Variants in CDH13 observed in about 807,000 individuals in gnomAD.
The protein encoded by CDH13 is cadherin-13.
In CDH13, 24 loss-of-function variants were observed where a neutral mutation model predicts 63.8. The ratio of observed to expected loss-of-function variants is 0.38; its 90% confidence interval spans 0.27 to 0.53. The LOEUF (loss-of-function observed/expected upper bound fraction) is 0.53. Among genes scored for constraint, CDH13 ranks in the 20% least tolerant of loss-of-function variants. CDH13 has a pLI of 0.85. For missense variants in CDH13, 1,049 were observed against 903.1 expected (o/e 1.16, Z -2.07); for synonymous variants, 503 against 355.3 (o/e 1.42, Z -4.67).
chr16:83,711,167 G>T (rs1907986077), intron 10 of CDH13, among the ~76,000 whole-genome samples: 1 of 152,222 alleles, frequency 6.6e-6, no homozygotes, highest in Non-Finnish European at 1.5e-5. Context: ...TGTGACTTCA[G>T]ATGCAGGGAG....
intron 2 of CDH13, among the ~76,000 whole-genome samples, chr16:82,886,594 A>G (rs1210764228): frequency 2.7e-5 from 4 of 149,222 alleles, no homozygotes; most frequent in East Asian, 2.0e-4. Flanking sequence ...CTTGTTCTTA[A>G]TGATTCTGCC....
At chr16:83,446,646 G>A (rs1156551773) in intron 6 of CDH13, among the ~76,000 whole-genome samples, 1 of 152,062 alleles carries the variant, frequency 6.6e-6, no homozygotes, top group Non-Finnish European at 1.5e-5. Context: ...TCTTTCTGGT[G>A]GTAATCAAAG....
chr16:82,786,204 G>C (rs1442121768), intron 1 of CDH13, among the ~76,000 whole-genome samples: 1 of 152,076 alleles, frequency 6.6e-6, no homozygotes, highest in Non-Finnish European at 1.5e-5. Flanking sequence ...AGAAGTAGAA[G>C]GCAAAGAATT....
chr16:83,188,500 T>A (rs969158872), intron 4 of CDH13, among the ~76,000 whole-genome samples: 3 of 152,174 alleles, frequency 2.0e-5, no homozygotes, highest in Admixed American at 2.0e-4. Flanking sequence ...CCAGCCTCGC[T>A]GCCCATCTCC....
At chr16:82,946,384 C>T (rs1355727381) in intron 2 of CDH13, among the ~76,000 whole-genome samples, 1 of 151,998 alleles carries the variant, frequency 6.6e-6, no homozygotes, top group Non-Finnish European at 1.5e-5. Context: ...AGTCAAGCAC[C>T]CTGATTAAAC....
intron 5 of CDH13, among the ~76,000 whole-genome samples, chr16:83,323,323 T>A (rs925296399): frequency 1.3e-5 from 2 of 150,238 alleles, no homozygotes; most frequent in Non-Finnish European, 3.0e-5. Context: ...TTGCCCATGC[T>A]GGAGTATAGT....
At chr16:83,144,188 GGTAA>G (rs1333363198) in intron 4 of CDH13, among the ~76,000 whole-genome samples, 2 of 152,122 alleles carry the variant, frequency 1.3e-5, no homozygotes, top group Non-Finnish European at 2.9e-5. Context: ...CTACAGATGT[GGTAA>G]GTGATTCTGA....
At chr16:83,363,546 G>A (rs930301793) in intron 6 of CDH13, among the ~76,000 whole-genome samples, 9 of 152,210 alleles carry the variant, frequency 5.9e-5, no homozygotes, top group African/African-American at 1.7e-4. Context: ...TTAGTTGGTG[G>A]TGAGAGGCAT....
intron 1 of CDH13, among the ~76,000 whole-genome samples, chr16:82,783,773 G>A (rs1222165724): frequency 6.6e-6 from 1 of 152,128 alleles, no homozygotes; most frequent in Non-Finnish European, 1.5e-5. Context: ...GAATTACTAG[G>A]GCAGTATGTA....
chr16:82,744,048 C>G (rs904318712), intron 1 of CDH13, among the ~76,000 whole-genome samples: 1 of 152,182 alleles, frequency 6.6e-6, no homozygotes, highest in Non-Finnish European at 1.5e-5. Flanking sequence ...TTTTCTCCAG[C>G]TATTTCTTAA....
At chr16:83,717,493 C>A (rs902979575) in intron 10 of CDH13, among the ~76,000 whole-genome samples, 5 of 152,228 alleles carry the variant, frequency 3.3e-5, no homozygotes, top group African/African-American at 1.2e-4. Context: ...GAGAAACAGG[C>A]CCAGGCCATC....
intron 2 of CDH13, among the ~76,000 whole-genome samples, chr16:82,955,815 G>A (rs944549705): frequency 6.6e-6 from 1 of 152,192 alleles, no homozygotes; most frequent in African/African-American, 2.4e-5. Context: ...GCTCTAAAAT[G>A]TCACACAAGA....
chr16:83,503,648 G>A (rs1227939854), intron 7 of CDH13, among the ~76,000 whole-genome samples: 1 of 152,194 alleles, frequency 6.6e-6, no homozygotes, highest in Non-Finnish European at 1.5e-5. Flanking sequence ...CTTGACCAGT[G>A]ACGATGAGCT....
intron 6 of CDH13, among the ~76,000 whole-genome samples, chr16:83,463,580 C>T (rs2073234087): frequency 6.6e-6 from 1 of 152,172 alleles, no homozygotes; most frequent in East Asian, 1.9e-4. Flanking sequence ...GCAGGAGGTT[C>T]ACTTGAGCTT....
intron 3 of CDH13, among the ~76,000 whole-genome samples, chr16:83,079,997 G>C (rs373253429): frequency 6.6e-6 from 1 of 152,182 alleles, no homozygotes. Context: ...TTCACGTTTG[G>C]ACTAATAAAA....
At chr16:83,621,984 A>G (rs1909860596) in intron 8 of CDH13, among the ~76,000 whole-genome samples, 3 of 152,180 alleles carry the variant, frequency 2.0e-5, no homozygotes, top group South Asian at 2.1e-4. Flanking sequence ...GCAACCTTGT[A>G]TCTTTATTTT....
chr16:83,364,016 C>T (rs1253168098), intron 6 of CDH13, among the ~76,000 whole-genome samples: 2 of 152,126 alleles, frequency 1.3e-5, no homozygotes, highest in Non-Finnish European at 2.9e-5. Context: ...TCCACACTCA[C>T]CCCTCCAATT....
At chr16:83,409,975 G>A (rs758405017) in intron 6 of CDH13, among the ~76,000 whole-genome samples, 1 of 152,204 alleles carries the variant, frequency 6.6e-6, no homozygotes, top group Non-Finnish European at 1.5e-5. Context: ...TCCTTAAGAA[G>A]GCTAGTGGGC....
At chr16:83,077,181 C>CTTTTT (rs1160572033) in intron 3 of CDH13, among the ~76,000 whole-genome samples, 1 of 93,466 alleles carries the variant, frequency 1.1e-5, no homozygotes, top group African/African-American at 4.5e-5. Flanking sequence ...TCTTTTTTTT[C>CTTTTT]TTTTCTTTTT....
Sources: allele counts gnomAD v4.1 joint callset (sites outside exome capture counted in the v4.1 genomes callset), GRCh38; gene constraint gnomAD v4.1.1; transcripts MANE v1.5; gene names NCBI Gene and HGNC (gene_info 2026-07-23, HGNC 2026-07-21).